Variants in METTL16 observed in about 807,000 individuals in gnomAD.
The protein encoded by METTL16 is methyltransferase 16, RNA N6-adenosine.
METTL16 carries 19 observed loss-of-function variants against 57.9 expected under a neutral mutation model. That is an observed-to-expected ratio of 0.33 (90% confidence interval 0.23 to 0.48). The LOEUF (loss-of-function observed/expected upper bound fraction) is 0.48, where lower values mean the gene tolerates loss of function less well. METTL16 is among the 20% of genes least tolerant of loss of function. The probability of loss-of-function intolerance (pLI) is 0.99; values close to 1 mark genes in which losing one functional copy is unlikely to be tolerated. For missense variants in METTL16, 434 were observed against 691.5 expected (o/e 0.63, Z 4.18); for synonymous variants, 246 against 255.6 (o/e 0.96, Z 0.36).
intron 2 of METTL16, among the ~76,000 whole-genome samples, chr17:2,499,185 G>A (rs945937900): frequency 3.3e-5 from 5 of 151,712 alleles, no homozygotes; most frequent in Admixed American, 1.3e-4. Context: ...ATAAACTAGC[G>A]TGTGACTGTG....
At chr17:2,463,484 A>C (rs535259802) in intron 6 of METTL16, among the ~76,000 whole-genome samples, 2 of 152,160 alleles carry the variant, frequency 1.3e-5, no homozygotes, top group South Asian at 4.2e-4. Flanking sequence ...TTTTTGGAGA[A>C]GGAATCTTAC....
intron 6 of METTL16, among the ~76,000 whole-genome samples, chr17:2,451,797 C>G (rs1167623949): frequency 6.6e-6 from 1 of 151,958 alleles, no homozygotes; most frequent in Non-Finnish European, 1.5e-5. Flanking sequence ...TAGCATTCCT[C>G]AACAGATTAG....
intron 6 of METTL16, among the ~76,000 whole-genome samples, chr17:2,446,634 C>T (rs1375382608): frequency 6.6e-6 from 1 of 151,590 alleles, no homozygotes; most frequent in Non-Finnish European, 1.5e-5. Flanking sequence ...CCACGGTCTC[C>T]TTCCACGGTC....
rs1323175021 is a variant in METTL16, at chr17:2,452,183, A to AAGGAAAAGAAATATTTAGAAGAC, written c.729-10647_729-10625dup. On this transcript the variant is annotated intron_variant, in intron 6 of 9. Coordinates refer to ENST00000263092, the MANE Select transcript of METTL16 (RefSeq NM_024086.4). ...ATACTGTAAGGTTCTTCAGGAGATG[A>AAGGAAAAGAAATATTTAGAAGAC]AGGAAAAGAAATATTTAGAAGACAA... is the stretch of plus-strand genomic sequence containing the variant. Among the ~76,000 whole-genome samples the AAGGAAAAGAAATATTTAGAAGAC allele has an allele frequency of 7.2e-5, 11 of 151,910 alleles. No individual in the cohort carries two copies. The East Asian group carries it at 7.7e-4, about 11-fold the overall frequency.
At chr17:2,424,111 TATTATTTTA>T (rs1158401889) in intron 8 of METTL16, 1 of 17,200 alleles carries the variant, frequency 5.8e-5, no homozygotes, top group African/African-American at 1.8e-4. Context: ...TATTTTATTT[TATTATTTTA>T]TTTTTTTTTT....
intron 6 of METTL16, among the ~76,000 whole-genome samples, chr17:2,451,224 T>A (rs113727184): frequency 6.6e-6 from 1 of 152,198 alleles, no homozygotes; most frequent in African/African-American, 2.4e-5. Context: ...ATAATTGTTA[T>A]AGCTAAAACA....
In METTL16 at chr17:2,420,081, C is replaced by T. The variant is rs766038693; in HGVS notation, c.1578G>A (p.Val526=). Residue 526 remains valine, a synonymous_variant, in exon 10 of 10, where the codon GTG becomes GTA. Coordinates refer to ENST00000263092, the MANE Select transcript of METTL16 (RefSeq NM_024086.4). This position sits in a 1 kb window ranked among gnomAD's most constrained non-coding sequence, Gnocchi z 5.4. ...AGTGCATCTCCACTAAGGCATCGTC[C>T]ACCTCCTTCTTAACGTTTATCAAAC... The part of the protein sequence containing the change: ...FKCLINVKKE[V]DDALVEMHWV... 6 of 1,614,066 alleles carry T rather than the reference C, an allele frequency of 3.7e-6. No individual in the cohort carries two copies. In the African/African-American group the frequency reaches 8.0e-5, roughly 22 times the overall value.
rs146886617 is a variant in METTL16, at chr17:2,503,039, G to A, written c.1-708C>T. ...CAGCTGCTGTCGAAAAACGCTTGGC[G>A]GTTCTTTAAAAAGCTAAACATAGAA... On this transcript the variant is annotated intron_variant, in intron 1 of 9. Transcript: ENST00000263092. Among the ~76,000 whole-genome samples, 31 of 152,298 alleles carry A rather than the reference G, an allele frequency of 2.0e-4. No individual in the cohort carries two copies. The East Asian group carries it at 4.6e-3, about 23-fold the overall frequency.
chr17:2,420,300 G>C lies in METTL16; in HGVS notation c.1359C>G (p.Ser453=). The C allele has an allele frequency of 6.2e-7, 1 of 1,612,886 alleles. No homozygotes were observed. The highest frequency in any genetic ancestry group is 8.5e-7 in the Non-Finnish European group (1 of 1,180,028). The change falls in exon 10 of 10, where the codon TCC becomes TCG. Residue 453 remains serine (S), a synonymous_variant. Transcript: ENST00000263092. The surrounding 1 kb of genome is among the most constrained non-coding windows in gnomAD (Gnocchi z 5.4). ...AVEGPCPSQE[S]LSQEENPEPT... is the part of the protein sequence containing the mutation. ...GTTCCGGGTTTTCCTCCTGGGACAGGGACTCCTGGCTCGGGCACGGGCCCT... is the reference window on the plus strand; with the variant it reads ...GTTCCGGGTTTTCCTCCTGGGACAGCGACTCCTGGCTCGGGCACGGGCCCT...
chr17:2,492,686 T>C (rs1414972809), intron 2 of METTL16, among the ~76,000 whole-genome samples: 1 of 151,746 alleles, frequency 6.6e-6, no homozygotes, highest in African/African-American at 2.4e-5. Flanking sequence ...GGTCAGGAGT[T>C]TGAGACCAGC....
chr17:2,481,228 C>CAAA (rs74363068), intron 2 of METTL16, among the ~76,000 whole-genome samples: 2 of 113,892 alleles, frequency 1.8e-5, no homozygotes, highest in South Asian at 2.9e-4. Flanking sequence ...GAAACAATGA[C>CAAA]AAAAAAAAAA....
Position 2,492,483 on chromosome 17 carries a change from T to A in METTL16, c.128+9721A>T, listed in dbSNP as rs982954457. Among the ~76,000 whole-genome samples, 7 of 152,160 alleles carry A rather than the reference T, an allele frequency of 4.6e-5. No homozygotes were observed. The East Asian group carries it at 1.2e-3, about 25-fold the overall frequency. ...ATGAGCACCTACCATGAACTCAGTG[T>A]CCATAGAATGCTAGTCATTCTACAC... On this transcript the variant is annotated intron_variant, in intron 2 of 9. Transcript: ENST00000263092.
chr17:2,500,451 T>C (rs111513495), intron 2 of METTL16, among the ~76,000 whole-genome samples: 1,548 of 152,184 alleles, frequency 0.01, 27 homozygotes, highest in African/African-American at 0.036. Context: ...CAGCTCATTT[T>C]TGTATTTTTA....
In METTL16 at chr17:2,419,439, G is replaced by A. The variant is rs1206026082; in HGVS notation, c.*531C>T. ...GCTGCTCCTTCCCAGCATTACTAAG[G>A]TTTCTCTCCCAGATTCCCCACCACC... is the stretch of plus-strand genomic sequence containing the variant. On this transcript the variant is annotated 3_prime_UTR_variant, in exon 10 of 10. Coordinates refer to ENST00000263092, the MANE Select transcript of METTL16 (RefSeq NM_024086.4). The A allele has an allele frequency of 1.8e-5, 6 of 327,240 alleles. No homozygotes were observed. Among genetic ancestry groups the A allele is most frequent in the Non-Finnish European group, 3.7e-5 (6 of 164,170 alleles). 20.3% of individuals were successfully genotyped at this position (327,240 alleles called of 1,614,324 possible).
intron 4 of METTL16, among the ~76,000 whole-genome samples, chr17:2,471,404 G>A (rs543588995): frequency 2.6e-5 from 4 of 152,104 alleles, no homozygotes; most frequent in South Asian, 2.1e-4. Context: ...ACTCCTGACC[G>A]GAAGGATCTA....
intron 4 of METTL16, among the ~76,000 whole-genome samples, chr17:2,471,625 T>C (rs966669074): frequency 6.6e-6 from 1 of 151,930 alleles, no homozygotes; most frequent in South Asian, 2.1e-4. Flanking sequence ...CCGTCTCTAC[T>C]GAAAATACAA....
intron 3 of METTL16, among the ~76,000 whole-genome samples, chr17:2,473,904 A>G (rs1260470886): frequency 1.3e-5 from 2 of 152,014 alleles, no homozygotes; most frequent in East Asian, 1.9e-4. Context: ...ATGCCTGGCT[A>G]TTTTTTGTAT....
chr17:2,465,849 G>C (rs965808298), intron 5 of METTL16, among the ~76,000 whole-genome samples: 2 of 148,856 alleles, frequency 1.3e-5, no homozygotes, highest in Admixed American at 1.3e-4. Context: ...CTTGGCAACA[G>C]AACAAGACTC....
At chr17:2,484,619 T>C (rs1326474028) in intron 2 of METTL16, among the ~76,000 whole-genome samples, 1 of 152,024 alleles carries the variant, frequency 6.6e-6, no homozygotes, top group Non-Finnish European at 1.5e-5. Flanking sequence ...CTCAACCTCC[T>C]GAGTAGATAG....
Sources: gnomAD v4.1 joint callset for allele counts (sites outside exome capture counted in the v4.1 genomes callset) on GRCh38, gnomAD v4.1.1 for gene constraint, Gnocchi (gnomAD v3.1) non-coding constraint, MANE v1.5 for transcripts, NCBI Gene and HGNC (gene_info 2026-07-23, HGNC 2026-07-21) for gene names.